TEX14: variants seen among roughly 807,000 people sequenced by gnomAD.
The protein encoded by TEX14 is inactive serine/threonine-protein kinase TEX14.
A neutral mutation model predicts 178.6 loss-of-function variants in TEX14; 168 were observed. The observed-to-expected ratio is 0.94, with a 90% CI of 0.83 to 1.07. The LOEUF (loss-of-function observed/expected upper bound fraction) is 1.07, where lower values mean the gene tolerates loss of function less well. TEX14 is among the 50% of genes least tolerant of loss of function. The probability of loss-of-function intolerance (pLI) is 0.00; values close to 1 mark genes in which losing one functional copy is unlikely to be tolerated. For synonymous variants in TEX14, 626 were observed against 634.1 expected, an observed-to-expected ratio of 0.99 and a Z score of 0.19; for missense variants, 1,730 against 1,753.6, an observed-to-expected ratio of 0.99 and a Z score of 0.24.
At chr17:58,653,780 C>T (rs1477773971) in intron 1 of TEX14, among the ~76,000 whole-genome samples, 1 of 152,224 alleles carries the variant, frequency 6.6e-6, no homozygotes, top group Non-Finnish European at 1.5e-5. Context: ...AACCATGGCT[C>T]AGTGCCCCCT....
chr17:58,621,229 T>C (rs1180549047), intron 5 of TEX14, among the ~76,000 whole-genome samples: 1 of 152,124 alleles, frequency 6.6e-6, no homozygotes, highest in Non-Finnish European at 1.5e-5. Flanking sequence ...CAGCTGAAAA[T>C]AGCCCAAGAA....
At chr17:58,661,743 G>C (rs112039668) in intron 1 of TEX14, 2 of 562,374 alleles carry the variant, frequency 3.6e-6, no homozygotes, top group Admixed American at 6.9e-5. Context: ...GGCGGCATAG[G>C]GGAAGGCAAC....
chr17:58,631,701 A>T (rs1426999333), intron 2 of TEX14: 9 of 151,610 alleles, frequency 5.9e-5, no homozygotes, highest in South Asian at 4.2e-4. Flanking sequence ...CAGTTAGAAT[A>T]ACGCAACACC....
chr17:58,577,152 G>A (rs1489328392), intron 21 of TEX14, among the ~76,000 whole-genome samples: 1 of 152,154 alleles, frequency 6.6e-6, no homozygotes, highest in Non-Finnish European at 1.5e-5. Flanking sequence ...CCTTGACAAG[G>A]TCACATGAAC....
intron 2 of TEX14, among the ~76,000 whole-genome samples, chr17:58,633,617 G>C (rs1487334820): frequency 2.6e-5 from 4 of 152,002 alleles, no homozygotes; most frequent in African/African-American, 9.7e-5. Flanking sequence ...TTGAGGTCAG[G>C]AGTTTGAGAC....
At chr17:58,610,924 A>G (rs376599904) in intron 10 of TEX14, among the ~76,000 whole-genome samples, 1 of 152,024 alleles carries the variant, frequency 6.6e-6, no homozygotes, top group East Asian at 1.9e-4. Context: ...ATGGATAATT[A>G]TAGCATTTAT....
chr17:58,595,925 C>G (rs575481471), intron 14 of TEX14, among the ~76,000 whole-genome samples: 62 of 152,372 alleles, frequency 4.1e-4, no homozygotes, highest in African/African-American at 1.4e-3. Context: ...TCGCTCACAC[C>G]TGTAATCCCA....
chr17:58,622,744 C>T (rs2046028519), intron 4 of TEX14, 103 bp downstream of exon 4: 1 of 1,181,506 alleles, frequency 8.5e-7, no homozygotes. Flanking sequence ...ACTCCAGTAC[C>T]AATACTAAGG....
intron 1 of TEX14, among the ~76,000 whole-genome samples, chr17:58,674,833 C>T (rs1430300208): frequency 6.7e-6 from 1 of 149,236 alleles, no homozygotes; most frequent in Admixed American, 6.7e-5. Flanking sequence ...TTCGATGAGG[C>T]CTTTGGAAAA....
intron 21 of TEX14, among the ~76,000 whole-genome samples, chr17:58,575,047 C>T (rs1006092681): frequency 6.6e-6 from 1 of 151,712 alleles, no homozygotes; most frequent in African/African-American, 2.4e-5. Context: ...ATTTAAGATT[C>T]AATGTCAGTA....
At chr17:58,564,476 A>G (rs2044354938) in intron 28 of TEX14, among the ~76,000 whole-genome samples, 1 of 152,236 alleles carries the variant, frequency 6.6e-6, no homozygotes, top group Non-Finnish European at 1.5e-5. Context: ...AAACTCATAG[A>G]AACAAAAAGC....
intron 3 of TEX14, among the ~76,000 whole-genome samples, chr17:58,626,851 CAG>C (rs1391659590): frequency 6.6e-6 from 1 of 152,140 alleles, no homozygotes; most frequent in Admixed American, 6.6e-5. Context: ...ACCTGGAAAA[CAG>C]AGTGAGACTT....
chr17:58,571,990 T>C lies in TEX14; in HGVS notation c.3648A>G (p.Arg1216=). 6.2e-7 allele frequency: 1 copy of C among 1,614,140 alleles called. No homozygotes were observed. The highest frequency in any genetic ancestry group is 8.5e-7 in the Non-Finnish European group (1 of 1,180,030). Reference sequence around the variant, plus strand: ...GAGAATCCAGTTTCTTTGCTCTCTCTCGGACACTTATAAAGTCATCAGACA... The same window carrying C: ...GAGAATCCAGTTTCTTTGCTCTCTCCCGGACACTTATAAAGTCATCAGACA... ...QTLSDDFISV[R]ERAKKLDSLL... The change falls in exon 24 of 32, where the codon CGA becomes CGG. Residue 1216 remains arginine (R), a synonymous_variant. Coordinates refer to ENST00000349033, the MANE Select transcript of TEX14 (RefSeq NM_031272.5).
chr17:58,635,210 A>G (rs956314822), intron 2 of TEX14, among the ~76,000 whole-genome samples: 1 of 152,130 alleles, frequency 6.6e-6, no homozygotes, highest in Non-Finnish European at 1.5e-5. Context: ...ACCATCATTC[A>G]TCTATGACCC....
chr17:58,648,855 T>C (rs936581824), intron 2 of TEX14, among the ~76,000 whole-genome samples: 2 of 147,068 alleles, frequency 1.4e-5, no homozygotes, highest in Non-Finnish European at 3.0e-5. Context: ...AGTGGCGTGA[T>C]CTCGGATCAC....
intron 3 of TEX14, among the ~76,000 whole-genome samples, chr17:58,626,273 T>C (rs766414793): frequency 1.3e-5 from 2 of 152,022 alleles, no homozygotes; most frequent in Non-Finnish European, 2.9e-5. Context: ...CGTATAGGAA[T>C]AAAGCCTCCT....
At chr17:58,574,359 A>G in intron 21 of TEX14, 110 bp from the exon 22 acceptor site, 1 of 790,208 alleles carries the variant, frequency 1.3e-6, no homozygotes, top group South Asian at 1.5e-5. Flanking sequence ...CGCAGAGGAA[A>G]GGGCACTAAG....
At chr17:58,570,515 C>A in intron 24 of TEX14, 31 bp from the exon 25 acceptor site, 2 of 1,465,206 alleles carry the variant, frequency 1.4e-6, no homozygotes, top group South Asian at 2.8e-5. Context: ...TGGTAACTGT[C>A]ATGTGTGTTG....
chr17:58,598,823 C>G, intron 14 of TEX14, 53 bp downstream of exon 14: 1 of 1,475,476 alleles, frequency 6.8e-7, no homozygotes, highest in Non-Finnish European at 9.2e-7. Flanking sequence ...CCAGCCACAA[C>G]CATTTCTTTT....
Sources: gnomAD v4.1 joint callset for allele counts (sites outside exome capture counted in the v4.1 genomes callset) on GRCh38, gnomAD v4.1.1 for gene constraint, MANE v1.5 for transcripts, NCBI Gene and HGNC (gene_info 2026-07-23, HGNC 2026-07-21) for gene names.